The following EDA variants were observed in gnomAD, a reference collection of about 807,000 sequenced individuals.
EDA encodes the protein ectodysplasin A.
In EDA, 2 loss-of-function variants were observed where a neutral mutation model predicts 23.6. The observed-to-expected ratio is 0.08, with a 90% confidence interval of 0.03 to 0.27. The LOEUF is 0.27. Ranked by LOEUF, EDA falls within the 10% of genes least tolerant of loss-of-function variation. The pLI is 1.00. For synonymous variants in EDA, 131 were observed against 132.0 expected (o/e 0.99, Z 0.05); for missense variants, 229 against 324.2 (o/e 0.71, Z 2.26).
At chrX:69,754,026 A>G (rs761123859) in intron 1 of EDA, among the ~76,000 whole-genome samples, 13 of 110,703 alleles carry the variant, frequency 1.2e-4, no homozygotes, top group South Asian at 3.9e-4. Flanking sequence ...TCTTTATCCA[A>G]TTTGCGTCTG....
At chrX:69,758,760 C>T (rs947594973) in intron 1 of EDA, among the ~76,000 whole-genome samples, 10 of 112,084 alleles carry the variant, frequency 8.9e-5, no homozygotes, top group East Asian at 2.8e-4. Flanking sequence ...CGCTTGAGCC[C>T]GGGAGGTGTA....
chrX:69,835,746 G>C (rs1451314230), intron 1 of EDA, among the ~76,000 whole-genome samples: 3 of 111,889 alleles, frequency 2.7e-5, no homozygotes, highest in African/African-American at 9.8e-5. Context: ...ATCCAGCTTT[G>C]TTCCGCTGCT....
At chrX:69,635,013 G>A (rs1433276825) in intron 1 of EDA, among the ~76,000 whole-genome samples, 1 of 112,159 alleles carries the variant, frequency 8.9e-6, no homozygotes, top group Non-Finnish European at 1.9e-5. Flanking sequence ...ATGTTACACA[G>A]GTTTGTAGCC....
intron 1 of EDA, among the ~76,000 whole-genome samples, chrX:69,854,297 G>A (rs914584779): frequency 9.0e-6 from 1 of 110,788 alleles, no homozygotes; most frequent in Non-Finnish European, 1.9e-5. Context: ...GGGTTCAAGC[G>A]ATTCTCCAGT....
At chrX:69,860,164 T>A (rs1354573051) in intron 1 of EDA, among the ~76,000 whole-genome samples, 4 of 111,405 alleles carry the variant, frequency 3.6e-5, no homozygotes, top group African/African-American at 1.3e-4. Flanking sequence ...TACCAATGGA[T>A]CTTGGCTCTT....
chrX:69,892,575 A>G (rs1365761584), intron 1 of EDA, among the ~76,000 whole-genome samples: 1 of 112,395 alleles, frequency 8.9e-6, no homozygotes, highest in African/African-American at 3.2e-5. Flanking sequence ...CAATTGAAAA[A>G]TAGATTAGAG....
chrX:69,727,971 G>A (rs184426351), intron 1 of EDA, among the ~76,000 whole-genome samples: 233 of 111,356 alleles, frequency 2.1e-3, no homozygotes, highest in African/African-American at 7.0e-3. Context: ...TAGGCTGGGC[G>A]TGGTGGCTCA....
chrX:69,807,029 A>T (rs1312306671), intron 1 of EDA, among the ~76,000 whole-genome samples: 1 of 111,143 alleles, frequency 9.0e-6, no homozygotes, highest in African/African-American at 3.3e-5. Flanking sequence ...TTGTATACTT[A>T]TGTTTACCCA....
At chrX:69,761,001 A>G (rs921743366) in intron 1 of EDA, among the ~76,000 whole-genome samples, 1 of 111,144 alleles carries the variant, frequency 9.0e-6, no homozygotes, top group Admixed American at 9.7e-5. Context: ...ACAAAGCCAT[A>G]TTTAAAGCAG....
chrX:69,919,272 G>A (rs768174147), intron 1 of EDA, among the ~76,000 whole-genome samples: 1 of 112,308 alleles, frequency 8.9e-6, no homozygotes, highest in Non-Finnish European at 1.9e-5. Context: ...AAGGAGAGAG[G>A]AGAATAATTT....
In EDA at chrX:69,790,421, A is replaced by G. The variant is rs189117319; in HGVS notation, c.397-166606A>G. On this transcript the variant is annotated intron_variant, in intron 1 of 7. Transcript: ENST00000374552. The stretch of plus-strand genomic sequence containing the variant: ...ACTACTTTTACCCGTTAAATTGCTT[A>G]GCCGTATATTTTATTTAATCTTAGT... 1.3e-4 allele frequency among the ~76,000 whole-genome samples: 14 copies of G among 111,051 alleles called. No homozygotes were observed. In the East Asian group the frequency reaches 3.1e-3, roughly 25 times the overall value.
At chrX:70,006,848 C>G (rs2019808441) in intron 2 of EDA, among the ~76,000 whole-genome samples, 1 of 110,369 alleles carries the variant, frequency 9.1e-6, no homozygotes, top group African/African-American at 3.3e-5. Flanking sequence ...ATTGCCAAGC[C>G]CAAGGTCATC....
At chrX:70,005,645 C>T (rs1263664851) in intron 2 of EDA, among the ~76,000 whole-genome samples, 1 of 108,616 alleles carries the variant, frequency 9.2e-6, no homozygotes, top group Non-Finnish European at 1.9e-5. Flanking sequence ...TGGAGAAGGG[C>T]ACTTCAAGCA....
intron 1 of EDA, among the ~76,000 whole-genome samples, chrX:69,692,119 C>A (rs1048127711): frequency 1.8e-5 from 2 of 111,315 alleles, no homozygotes; most frequent in African/African-American, 3.3e-5. Context: ...AGATCTTTTC[C>A]CTTTCTCTGA....
chrX:69,681,614 C>T (rs1462943404), intron 1 of EDA, among the ~76,000 whole-genome samples: 3 of 110,293 alleles, frequency 2.7e-5, no homozygotes, highest in East Asian at 5.8e-4. Context: ...TTGATCGCAT[C>T]GGCTCCTGAG....
intron 2 of EDA, among the ~76,000 whole-genome samples, chrX:69,960,799 G>A (rs2019088018): frequency 9.2e-6 from 1 of 109,026 alleles, no homozygotes; most frequent in Non-Finnish European, 1.9e-5. Context: ...TAAGAACATG[G>A]CAGAAGTTCG....
chrX:69,881,455 T>C (rs1001970297), intron 1 of EDA, among the ~76,000 whole-genome samples: 4 of 111,298 alleles, frequency 3.6e-5, no homozygotes, highest in Admixed American at 9.5e-5. Context: ...TAAATAAATT[T>C]GAATACCTCA....
At chrX:70,031,344 T>G (rs1397905921) in intron 6 of EDA, among the ~76,000 whole-genome samples, 1 of 112,285 alleles carries the variant, frequency 8.9e-6, no homozygotes, top group Non-Finnish European at 1.9e-5. Flanking sequence ...GTGATATGTA[T>G]GTACACTCCA....
At chrX:69,867,052 G>C (rs1451122668) in intron 1 of EDA, among the ~76,000 whole-genome samples, 1 of 111,952 alleles carries the variant, frequency 8.9e-6, no homozygotes, top group African/African-American at 3.2e-5. Context: ...CTGCCACCAG[G>C]TGGCTAGCTG....
Sources: allele counts gnomAD v4.1 joint callset (sites outside exome capture counted in the v4.1 genomes callset), GRCh38; gene constraint gnomAD v4.1.1; transcripts MANE v1.5; gene names NCBI Gene and HGNC (gene_info 2026-07-23, HGNC 2026-07-21).